TRIM31: variants seen among roughly 807,000 people sequenced by gnomAD.
TRIM31 encodes tripartite motif containing 31, also known as E3 ubiquitin-protein ligase TRIM31.
In TRIM31, 31 loss-of-function variants were observed where a neutral mutation model predicts 40.6. That is an observed-to-expected ratio of 0.76 (90% CI 0.57 to 1.03). TRIM31 has a LOEUF of 1.03. Ranked by LOEUF, TRIM31 falls within the 50% of genes least tolerant of loss-of-function variation. The pLI is 0.00. For missense variants in TRIM31, 455 were observed against 497.5 expected (o/e 0.91, Z 0.81); for synonymous variants, 164 against 193.9 (o/e 0.85, Z 1.28).
chr6:30,106,935 C>T (rs1385059490), intron 6 of TRIM31, among the ~76,000 whole-genome samples: 4 of 152,034 alleles, frequency 2.6e-5, no homozygotes, highest in Admixed American at 2.6e-4. Context: ...CCCGTCTCTA[C>T]TAAAAATACA....
chr6:30,106,736 G>A (rs1176285936), intron 6 of TRIM31, among the ~76,000 whole-genome samples: 2 of 152,174 alleles, frequency 1.3e-5, no homozygotes, highest in African/African-American at 2.4e-5. Flanking sequence ...CTGATGAAGT[G>A]GAAAGGGCTG....
chr6:30,105,371 C>G lies in TRIM31; in HGVS notation c.884-129G>C, dbSNP rs866511856. 3.8e-5 allele frequency: 26 copies of G among 691,806 alleles called. 1 individual carries two copies. In the Middle Eastern group the frequency reaches 5.9e-3, roughly 157 times the overall value. The allele number at this position is 691,806 out of a possible 1,614,324, so 42.9% of individuals were successfully genotyped here. On this transcript the variant is annotated intron_variant, in intron 6 of 8. Transcript: ENST00000376734. ...AGAAGCTGCATTTGACTCTCATATT[C>G]TTATTGGACCAGGAAGGTATGCAAC... is the stretch of plus-strand genomic sequence containing the variant.
In TRIM31 at chr6:30,103,755, G is replaced by C; in HGVS notation, c.1059C>G (p.His353Gln). Residue 353 changes from histidine (H) to glutamine (Q), a missense_variant, in exon 9 of 9, where the codon CAC (histidine) becomes CAG (glutamine). His to Gln is a conservative substitution (Grantham distance 24, BLOSUM62 0). Transcript: ENST00000376734. ...ACAGGGAGTGGGATGGGGCTGAAGA[G>C]TGGTGATTTGGTGGCCCCGATGTAG... Reference protein sequence around the residue: ...GRTTSGPPNHHSSAPSHSLFR... With the variant: ...GRTTSGPPNHQSSAPSHSLFR... The C allele has an allele frequency of 6.2e-7, 1 of 1,613,114 alleles. No individual in the cohort carries two copies. Among genetic ancestry groups the C allele is most frequent in the African/African-American group, 1.3e-5 (1 of 75,054 alleles).
chr6:30,108,888 C>T lies in TRIM31; in HGVS notation c.767+138G>A, dbSNP rs1050745579. 12 of 937,480 alleles carry T rather than the reference C, an allele frequency of 1.3e-5. No homozygotes were observed. The African/African-American group carries it at 1.9e-4, about 15-fold the overall frequency. 58.1% of individuals were successfully genotyped at this position (937,480 alleles called of 1,614,324 possible). On this transcript the variant is annotated intron_variant, in intron 5 of 8. Transcript: ENST00000376734. ...GGTTGGCATAGGCATTCCCCGGCTG[C>T]AGCCTAAATGTATGAATGCAGAGTT... is the stretch of plus-strand genomic sequence containing the variant.
rs376987669 is a variant in TRIM31 at position 30,108,793 on chromosome 6, A to G, written c.767+233T>C. 4.5e-4 allele frequency: 276 copies of G among 615,236 alleles called. 24 individuals are homozygous for G. Among genetic ancestry groups the G allele is most frequent in the East Asian group, 1.6e-3 (59 of 36,292 alleles). 38.1% of individuals were successfully genotyped at this position (615,236 alleles called of 1,614,324 possible). A position where few individuals can be genotyped will look rare whatever the true frequency, so the allele number is the denominator to read the frequency against. On this transcript the variant is annotated intron_variant, in intron 5 of 8. Transcript: ENST00000376734. ...AAGGGGGCATTCAGGAAATAGTAGA[A>G]TCTGTGCTGAAGAAGGAGGAAGGCT... is the stretch of plus-strand genomic sequence containing the variant.
rs766917061 is a variant in TRIM31 at position 30,105,221 on chromosome 6, T to C, written c.905A>G (p.Lys302Arg). 1.1e-5 allele frequency: 18 copies of C among 1,612,886 alleles called. No homozygotes were observed. The highest frequency in any genetic ancestry group is 1.3e-5 in the African/African-American group (1 of 74,938). Residue 302 changes from lysine (K) to arginine (R), a missense_variant, in exon 7 of 9, where the codon AAA becomes AGA. Lys to Arg is a conservative substitution (Grantham distance 26). Transcript: ENST00000376734. Reference sequence around the variant, plus strand: ...TTTGAAGAATCTGTTTTCATCTTTTTTCCTATCAGCCTGGAGTTGGTCTGG... The same window carrying C: ...TTTGAAGAATCTGTTTTCATCTTTTCTCCTATCAGCCTGGAGTTGGTCTGG... ...KFKDQLQADRKKDENRFFKSM... is the reference protein window; with the variant it reads ...KFKDQLQADRRKDENRFFKSM...
Position 30,110,592 on chromosome 6 carries a change from T to G in TRIM31, c.600A>C (p.Leu200=). Residue 200 remains leucine, a synonymous_variant, in exon 4 of 9, where the codon CTA becomes CTC. Transcript: ENST00000376734. Reference sequence around the variant, plus strand: ...CATGACCCAGCCAGTAAATCCGTGATAGCAGGAAATTCTTCTCCTCCTCTA... The same window carrying G: ...CATGACCCAGCCAGTAAATCCGTGAGAGCAGGAAATTCTTCTCCTCCTCTA... ...QVLEEEKNFL[L]SRIYWLGHEG... 2 of 1,614,220 alleles carry G rather than the reference T, an allele frequency of 1.2e-6. No homozygotes were observed. Among genetic ancestry groups the G allele is most frequent in the African/African-American group, 1.3e-5 (1 of 75,056 alleles).
Position 30,104,142 on chromosome 6 carries a change from A to G in TRIM31, c.984T>C (p.His328=). The change falls in exon 8 of 9, where the codon CAT becomes CAC. Residue 328 remains histidine, a synonymous_variant. Coordinates refer to ENST00000376734, the MANE Select transcript of TRIM31 (RefSeq NM_007028.5). The part of the protein sequence containing the change: ...KSWGLLQKNN[H]KMNKTSEPGS... The stretch of plus-strand genomic sequence containing the variant: ...CGGGCTCTGAGGTTTTGTTCATTTT[A>G]TGATTATTTTTCTGTAACAAGCCCC... 6.2e-7 allele frequency: 1 copy of G among 1,612,976 alleles called. No individual in the cohort carries two copies. The highest frequency in any genetic ancestry group is 1.6e-4 in the Middle Eastern group (1 of 6,062).
Position 30,110,588 on chromosome 6 carries a change from G to GT in TRIM31, c.603dup (p.Arg202ThrfsTer8). 1 of 1,614,196 alleles carries GT rather than the reference G, an allele frequency of 6.2e-7. No homozygotes were observed. Among genetic ancestry groups the GT allele is most frequent in the Non-Finnish European group, 8.5e-7 (1 of 1,180,038 alleles). ...CCCTCATGACCCAGCCAGTAAATCCGTGATAGCAGGAAATTCTTCTCCTCC... is the reference window on the plus strand; with the variant it reads ...CCCTCATGACCCAGCCAGTAAATCCGTTGATAGCAGGAAATTCTTCTCCTCC... On this transcript the variant is annotated frameshift_variant, in exon 4 of 9. Coordinates refer to ENST00000376734, the MANE Select transcript of TRIM31 (RefSeq NM_007028.5). LOFTEE classifies it high-confidence loss of function.
At position 30,112,535 on chromosome 6, in the gene TRIM31, TC is replaced by T. The variant is rs1769456256; in HGVS notation, c.270del (p.Glu92ArgfsTer39). 1 of 1,613,146 alleles carries T rather than the reference TC, an allele frequency of 6.2e-7. No individual in the cohort carries two copies. Among genetic ancestry groups the T allele is most frequent in the African/African-American group, 1.3e-5 (1 of 75,068 alleles). ...TGGTGCCTCGGGCATGTAGCCTCTT[TC>T]CTTTTGGACTGCACCTCAGAGGCTT... ...ALQASEVQSK[R>X]KEATCPRHQE... On this transcript the variant is annotated frameshift_variant, in exon 2 of 9. Transcript: ENST00000376734. LOFTEE classifies it high-confidence loss of function.
In TRIM31 at chr6:30,103,994, AATTC is replaced by A. The variant is rs1768451475; in HGVS notation, c.1024+104_1024+107del. On this transcript the variant is annotated intron_variant, in intron 8 of 8. Transcript: ENST00000376734. Reference sequence around the variant, plus strand: ...AGGAACTGAGGAAATGGAATAAATGAATTCATTCATTTATTCATTTATTCCATTT... The same window carrying A: ...AGGAACTGAGGAAATGGAATAAATGAATTCATTTATTCATTTATTCCATTT... 2.8e-6 allele frequency: 4 copies of A among 1,415,452 alleles called. No homozygotes were observed. In the East Asian group the frequency reaches 9.2e-5, roughly 32 times the overall value. The allele number at this position is 1,415,452 out of a possible 1,614,324, so 87.7% of individuals were successfully genotyped here.
chr6:30,107,867 G>A lies in TRIM31; in HGVS notation c.883+186C>T, dbSNP rs544919123. On this transcript the variant is annotated intron_variant, in intron 6 of 8. Transcript: ENST00000376734. ...AGGCAGATAAATAACATATCACAAAGACAGAATATAAGAAATGCCTGGGAG... is the reference window on the plus strand; with the variant it reads ...AGGCAGATAAATAACATATCACAAAAACAGAATATAAGAAATGCCTGGGAG... 1.0e-5 allele frequency: 6 copies of A among 585,328 alleles called. No homozygotes were observed. The East Asian group carries it at 1.4e-4, about 14-fold the overall frequency. The allele number at this position is 585,328 out of a possible 1,614,324, so 36.3% of individuals were successfully genotyped here. A position where few individuals can be genotyped will look rare whatever the true frequency, so the allele number is the denominator to read the frequency against.
rs1562049234 is a variant in TRIM31, at chr6:30,111,723, G to T, written c.438C>A (p.Ile146=). ...QNYQGQIQEQ[I]QVLQQKEKET... ...CCTTCTCCTTTTGCTGCAAGACTTG[G>T]ATCTGCTCTTGAATCTGCCCCTGCG... is the stretch of plus-strand genomic sequence containing the variant. Residue 146 remains isoleucine, a synonymous_variant, in exon 3 of 9, where the codon ATC becomes ATA. Transcript: ENST00000376734. 3.7e-6 allele frequency: 6 copies of T among 1,614,230 alleles called. No individual in the cohort carries two copies. Among genetic ancestry groups the T allele is most frequent in the Non-Finnish European group, 5.1e-6 (6 of 1,180,040 alleles).
rs2023472 is a variant in TRIM31, at chr6:30,108,087, A to G, written c.849T>C (p.His283=). 0.63 allele frequency: 998,758 copies of G among 1,596,558 alleles called. 318,077 individuals are homozygous for G. The highest frequency in any genetic ancestry group is 0.83 in the South Asian group (75,091 of 90,902). The change falls in exon 6 of 9, where the codon CAT becomes CAC. Residue 283 remains histidine, a synonymous_variant. Coordinates refer to ENST00000376734, the MANE Select transcript of TRIM31 (RefSeq NM_007028.5). ...TTTTTAGGCTCCCTGTGATGGAGTC[A>G]TGTCTTGATTTTGCTTCACTGAGTT... is the stretch of plus-strand genomic sequence containing the variant. The part of the protein sequence containing the change: ...EKKLSEAKSR[H]DSITGSLKKF...
chr6:30,110,792 G>A, intron 3 of TRIM31, 114 bp from the exon 4 acceptor site: 1 of 985,892 alleles, frequency 1.0e-6, no homozygotes, highest in Non-Finnish European at 1.5e-6. Context: ...CCAGAGCAAT[G>A]TGCCAGGGCA....
chr6:30,104,274 T>C (rs1768477004), intron 7 of TRIM31, 107 bp from the exon 8 acceptor site: 3 of 1,122,150 alleles, frequency 2.7e-6, no homozygotes, highest in African/African-American at 1.6e-5. Context: ...TCAATGGTTC[T>C]CAGTGGGACC....
intron 6 of TRIM31, 145 bp from the exon 7 acceptor site, chr6:30,105,387 G>A: frequency 4.7e-6 from 3 of 640,872 alleles, no homozygotes; most frequent in Non-Finnish European, 8.1e-6. Context: ...GGACCAGGAA[G>A]GTATGCAACC....
rs1562049245 is a variant in TRIM31, at chr6:30,111,723, GATCTGCTCTTGA to G, written c.426_437del (p.Glu144_Gln147del). On this transcript the variant is annotated inframe_deletion, in exon 3 of 9. Coordinates refer to ENST00000376734, the MANE Select transcript of TRIM31 (RefSeq NM_007028.5). ...CCTTCTCCTTTTGCTGCAAGACTTG[GATCTGCTCTTGA>G]ATCTGCCCCTGCGGAAAGAGGGCCG... 1 of 1,614,230 alleles carries G rather than the reference GATCTGCTCTTGA, an allele frequency of 6.2e-7. No homozygotes were observed. The highest frequency in any genetic ancestry group is 2.2e-5 in the East Asian group (1 of 44,886).
rs767596857 is a variant in TRIM31 at position 30,111,748 on chromosome 6, G to A, written c.418-5C>T. On this transcript the variant is annotated splice_polypyrimidine_tract_variant and splice_region_variant and intron_variant, in intron 2 of 8. Transcript: ENST00000376734. ...GATCTGCTCTTGAATCTGCCCCTGC[G>A]GAAAGAGGGCCGTTTGGACAGGCTG... 2 of 1,614,120 alleles carry A rather than the reference G, an allele frequency of 1.2e-6. No homozygotes were observed. The highest frequency in any genetic ancestry group is 1.1e-5 in the South Asian group (1 of 91,082).
Sources: allele counts gnomAD v4.1 joint callset (sites outside exome capture counted in the v4.1 genomes callset), GRCh38; gene constraint gnomAD v4.1.1; transcripts MANE v1.5; gene names NCBI Gene and HGNC (gene_info 2026-07-23, HGNC 2026-07-21).